The following SMG1 variants were observed in gnomAD, a reference collection of about 807,000 sequenced individuals.
SMG1 encodes SMG1 nonsense mediated mRNA decay associated PI3K related kinase, also known as serine/threonine-protein kinase SMG1.
In SMG1, 22 loss-of-function variants were observed where a neutral mutation model predicts 419.9. That is an observed-to-expected ratio of 0.05 (90% confidence interval 0.04 to 0.07). The LOEUF is 0.07. SMG1 is among the 10% of genes least tolerant of loss of function. The pLI is 1.00. For missense variants in SMG1, 3,185 were observed against 4,342.0 expected (o/e 0.73, Z 7.49); for synonymous variants, 1,538 against 1,553.5 (o/e 0.99, Z 0.23).
chr16:18,827,958 G>C, intron 55 of SMG1, 73 bp downstream of exon 55: 1 of 1,492,020 alleles, frequency 6.7e-7, no homozygotes, highest in South Asian at 1.2e-5. Flanking sequence ...CTGAACAACA[G>C]AGCACTAACA....
Position 18,868,365 on chromosome 16 carries a change from A to T in SMG1, c.3031-11T>A, listed in dbSNP as rs934327428. ...AAAAGTTCTAATGACCTTTACGATA[A>T]GAGAAAGAAAAGCTCAGGACTGGTT... On this transcript the variant is annotated splice_polypyrimidine_tract_variant and intron_variant, in intron 21 of 62. Transcript: ENST00000446231. 1 of 1,266,702 alleles carries T rather than the reference A, an allele frequency of 7.9e-7. No homozygotes were observed. Among genetic ancestry groups the T allele is most frequent in the East Asian group, 2.5e-5 (1 of 39,618 alleles). 78.5% of individuals were successfully genotyped at this position (1,266,702 alleles called of 1,614,324 possible).
At chr16:18,851,344 T>G (rs574545583) in intron 33 of SMG1, among the ~76,000 whole-genome samples, 16 of 152,230 alleles carry the variant, frequency 1.1e-4, no homozygotes, top group African/African-American at 3.1e-4. Flanking sequence ...GATCATCTAG[T>G]CCATTTTCAA....
In SMG1 at chr16:18,814,313, T is replaced by TTTTCCTATG. The variant is rs2031779231; in HGVS notation, c.10621+853_10621+861dup. ...ACAAATTCTTCATTTGTATTAAGTATTTTCCTATGTTTCTCTGATATATAT... is the reference window on the plus strand; with the variant it reads ...ACAAATTCTTCATTTGTATTAAGTATTTTCCTATGTTTCCTATGTTTCTCTGATATATAT... On this transcript the variant is annotated intron_variant, in intron 60 of 62. Transcript: ENST00000446231. 2.6e-5 allele frequency among the ~76,000 whole-genome samples: 4 copies of TTTTCCTATG among 151,160 alleles called. No individual in the cohort carries two copies. In the South Asian group the frequency reaches 8.3e-4, roughly 32 times the overall value.
chr16:18,905,352 A>C (rs1274224162), intron 1 of SMG1, among the ~76,000 whole-genome samples: 2 of 152,188 alleles, frequency 1.3e-5, no homozygotes, highest in East Asian at 1.9e-4. Context: ...AAACCTGTTG[A>C]AAAATTTATC....
At position 18,841,805 on chromosome 16, in the gene SMG1, A is replaced by G. The variant is rs755423303; in HGVS notation, c.6467-11T>C. The G allele has an allele frequency of 4.4e-6, 7 of 1,606,282 alleles. No homozygotes were observed. The African/African-American group carries it at 9.4e-5, about 21-fold the overall frequency. ...GTAAATCCTCCAGTCCTATGAAAAC[A>G]AAATTAAAATAGCTAGGATAGGTGA... On this transcript the variant is annotated splice_polypyrimidine_tract_variant and intron_variant, in intron 40 of 62. Coordinates refer to ENST00000446231, the MANE Select transcript of SMG1 (RefSeq NM_015092.5).
chr16:18,805,338 T>A lies in SMG1; in HGVS notation c.*4231A>T, dbSNP rs937260364. 1.3e-4 allele frequency: 20 copies of A among 152,194 alleles called. No individual in the cohort carries two copies. Among genetic ancestry groups the A allele is most frequent in the African/African-American group, 4.6e-4 (19 of 41,446 alleles). 9.4% of individuals were successfully genotyped at this position (152,194 alleles called of 1,614,324 possible). The stretch of plus-strand genomic sequence containing the variant: ...AAAGTGTGCATTTCAGAACATAGAA[T>A]TCTTCTAAGTTTACCATCTTCAAAA... On this transcript the variant is annotated 3_prime_UTR_variant, in exon 63 of 63. Transcript: ENST00000446231.
intron 29 of SMG1, among the ~76,000 whole-genome samples, chr16:18,855,222 C>T (rs569229630): frequency 2.0e-5 from 3 of 152,168 alleles, no homozygotes; most frequent in Admixed American, 1.3e-4. Flanking sequence ...ACCATCCCCC[C>T]GCACTTCTTC....
chr16:18,884,054 C>G lies in SMG1; in HGVS notation c.1119+16G>C. On this transcript the variant is annotated intron_variant, in intron 9 of 62. Coordinates refer to ENST00000446231, the MANE Select transcript of SMG1 (RefSeq NM_015092.5). ...TCTTAACCAAAATTTTAAGAAACAG[C>G]TTTCTATATACTCACCTCAGCATAT... 7.8e-7 allele frequency: 1 copy of G among 1,278,622 alleles called. No individual in the cohort carries two copies. The highest frequency in any genetic ancestry group is 1.4e-5 in the South Asian group (1 of 72,342). The allele number at this position is 1,278,622 out of a possible 1,614,324, so 79.2% of individuals were successfully genotyped here. A position where few individuals can be genotyped will look rare whatever the true frequency, so the allele number is the denominator to read the frequency against.
chr16:18,892,814 T>C (rs2036942347), intron 3 of SMG1, among the ~76,000 whole-genome samples: 2 of 152,162 alleles, frequency 1.3e-5, no homozygotes, highest in African/African-American at 4.8e-5. Context: ...CTTTTGTTCA[T>C]CTCTATATTC....
At chr16:18,864,849 G>A (rs1234149774) in intron 23 of SMG1, among the ~76,000 whole-genome samples, 1 of 152,150 alleles carries the variant, frequency 6.6e-6, no homozygotes, top group Admixed American at 6.5e-5. Flanking sequence ...AGAATAAACT[G>A]AGCTAAAACA....
intron 1 of SMG1, among the ~76,000 whole-genome samples, chr16:18,905,754 G>A (rs1285127067): frequency 1.3e-5 from 2 of 151,908 alleles, no homozygotes; most frequent in Admixed American, 6.6e-5. Context: ...TGAGATTACA[G>A]GCCCCTGCTA....
chr16:18,866,505 C>T, intron 23 of SMG1, 116 bp downstream of exon 23: 1 of 893,668 alleles, frequency 1.1e-6, no homozygotes. Flanking sequence ...TTATAGCAAG[C>T]TTCAATGCTG....
rs182219256 is a variant in SMG1, at chr16:18,818,060, C to G, written c.9895-590G>C. On this transcript the variant is annotated intron_variant, in intron 56 of 62. Coordinates refer to ENST00000446231, the MANE Select transcript of SMG1 (RefSeq NM_015092.5). The stretch of plus-strand genomic sequence containing the variant: ...AGTCTCCCAGCTGGGACCAGAGGTG[C>G]GTGCCACCATGCCTAGCTAAAAAAA... Among the ~76,000 whole-genome samples the G allele has an allele frequency of 1.4e-4, 21 of 145,730 alleles. No homozygotes were observed. In the East Asian group the frequency reaches 3.9e-3, roughly 27 times the overall value.
chr16:18,819,095 G>A (rs1193983605), intron 56 of SMG1, among the ~76,000 whole-genome samples: 4 of 151,636 alleles, frequency 2.6e-5, no homozygotes, highest in African/African-American at 7.3e-5. Context: ...GGGATTACAG[G>A]CGTAAGCCAC....
chr16:18,916,069 C>CAA (rs35871395), intron 1 of SMG1, among the ~76,000 whole-genome samples: 4,450 of 34,642 alleles, frequency 0.13, 444 homozygotes, highest in East Asian at 0.15. Context: ...CACTTCGTCT[C>CAA]AAAAAAAAAA....
chr16:18,865,684 CAG>C (rs1375167185), intron 23 of SMG1, among the ~76,000 whole-genome samples: 6 of 143,884 alleles, frequency 4.2e-5, no homozygotes, highest in African/African-American at 1.6e-4. Context: ...TTTTTGGAGA[CAG>C]AGTTTCGCTC....
rs576021570 is a variant in SMG1 at position 18,926,159 on chromosome 16, G to GAGGAGA, written c.-119_-118insTCTCCT. 5.7e-4 allele frequency: 101 copies of GAGGAGA among 178,290 alleles called. No homozygotes were observed. The highest frequency in any genetic ancestry group is 7.6e-4 in the Non-Finnish European group (78 of 102,474). 11.0% of individuals were successfully genotyped at this position (178,290 alleles called of 1,614,324 possible). A position where few individuals can be genotyped will look rare whatever the true frequency, so the allele number is the denominator to read the frequency against. On this transcript the variant is annotated 5_prime_UTR_variant, in exon 1 of 63. Coordinates refer to ENST00000446231, the MANE Select transcript of SMG1 (RefSeq NM_015092.5). ...CGGGGCTGAGGAGGAAGCCGAGAAG[G>GAGGAGA]AGGAGGAGGAGGAGGAGGAGGAGAA...
Position 18,885,639 on chromosome 16 carries a change from G to T in SMG1, c.850C>A (p.Leu284Ile). 6.3e-7 allele frequency: 1 copy of T among 1,596,034 alleles called. No homozygotes were observed. Among genetic ancestry groups the T allele is most frequent in the Non-Finnish European group, 8.5e-7 (1 of 1,179,500 alleles). Reference protein sequence around the residue: ...QLVMTSLQSILENVDTPELLC... With the variant: ...QLVMTSLQSIIENVDTPELLC... ...AATTCTGGTGTATCCACATTTTCAA[G>T]AATAGACTGCAGGCTGGTCATTACA... Residue 284 changes from leucine (L) to isoleucine (I), a missense_variant, in exon 7 of 63, where the codon CTT becomes ATT. Transcript: ENST00000446231.
In SMG1 at chr16:18,896,870, G is replaced by A. The variant is rs753363368; in HGVS notation, c.179C>T (p.Pro60Leu). The change falls in exon 2 of 63, where the codon CCT (proline) becomes CTT (leucine). Residue 60 changes from proline (P) to leucine (L), a missense_variant. By Grantham distance (98) the Pro-to-Leu change is moderately conservative. Coordinates refer to ENST00000446231, the MANE Select transcript of SMG1 (RefSeq NM_015092.5). ...RGGSSSYGLQ[P>L]SNSAVVSRQR... ...CCGAGACACCACAGCTGAATTTGAA[G>A]GTTGCAGTCCATAAGAGGAAGAACC... is the stretch of plus-strand genomic sequence containing the variant. 1.9e-6 allele frequency: 3 copies of A among 1,609,074 alleles called. No individual in the cohort carries two copies. In the Admixed American group the frequency reaches 5.0e-5, roughly 27 times the overall value.
Sources: allele counts gnomAD v4.1 joint callset (sites outside exome capture counted in the v4.1 genomes callset), GRCh38; gene constraint gnomAD v4.1.1; transcripts MANE v1.5; gene names NCBI Gene and HGNC (gene_info 2026-07-23, HGNC 2026-07-21).